The following EML1 variants were observed in gnomAD, a reference collection of about 807,000 sequenced individuals.
EML1 encodes EMAP like 1, also known as echinoderm microtubule-associated protein-like 1.
A neutral mutation model predicts 110.4 loss-of-function variants in EML1; 27 were observed. That is an observed-to-expected ratio of 0.24 (90% confidence interval 0.18 to 0.34). The LOEUF is 0.34. Ranked by LOEUF, EML1 falls within the 10% of genes least tolerant of loss-of-function variation. The pLI is 1.00. For missense variants in EML1, 741 were observed against 1,030.9 expected (o/e 0.72, Z 3.85); for synonymous variants, 344 against 385.8 (o/e 0.89, Z 1.27).
At position 99,861,231 on chromosome 14, in the gene EML1, A is replaced by G. The variant is rs950450575; in HGVS notation, c.251-4283A>G. Among the ~76,000 whole-genome samples the G allele has an allele frequency of 2.6e-5, 4 of 152,328 alleles. No individual in the cohort carries two copies. The East Asian group carries it at 7.7e-4, about 29-fold the overall frequency. On this transcript the variant is annotated intron_variant, in intron 2 of 21. Transcript: ENST00000262233. ...TACTAGCTTCAAGGATCCTGCAGTC[A>G]GTGGAGTAGACAGACTATTGGATTT...
At position 99,784,741 on chromosome 14, in the gene EML1, A is replaced by G. The variant is rs1035928793; in HGVS notation, c.-27+10728A>G. ...ATCCAGGCCGGATGACACACGGGAA[A>G]ACAAGGAGCTGGCTTCACCAGGCTG... is the stretch of plus-strand genomic sequence containing the variant. On this transcript the variant is annotated intron_variant, in intron 1 of 22. Transcript: ENST00000327921. The surrounding 1 kb of genome is among the most constrained non-coding windows in gnomAD (Gnocchi z 4.5). 3.9e-5 allele frequency among the ~76,000 whole-genome samples: 6 copies of G among 152,262 alleles called. No individual in the cohort carries two copies. In the South Asian group the frequency reaches 1.2e-3, roughly 32 times the overall value.
rs190553892 is a variant in EML1 at position 99,829,033 on chromosome 14, A to G, written c.68-21820A>G. Among the ~76,000 whole-genome samples the G allele has an allele frequency of 2.5e-4, 38 of 152,342 alleles. No homozygotes were observed. The East Asian group carries it at 4.2e-3, about 17-fold the overall frequency. On this transcript the variant is annotated intron_variant, in intron 1 of 21. Transcript: ENST00000262233. ...TCAAACCAGTGTTGTTCAACTGTCT[A>G]GGAAAAAACACAGTGTATATAGGGT...
chr14:99,890,521 C>G (rs1382869885), intron 4 of EML1, among the ~76,000 whole-genome samples: 1 of 152,130 alleles, frequency 6.6e-6, no homozygotes. Flanking sequence ...GAGGTGCTTG[C>G]TCCTAGGGAT....
intron 9 of EML1, chr14:99,906,825 G>A (rs564545142): frequency 2.0e-5 from 3 of 152,038 alleles, no homozygotes; most frequent in African/African-American, 4.8e-5. Context: ...TCCTCAGGAC[G>A]TGCTGGTTCA....
intron 1 of EML1, among the ~76,000 whole-genome samples, chr14:99,807,694 A>G (rs1166992661): frequency 6.6e-6 from 1 of 152,150 alleles, no homozygotes; most frequent in South Asian, 2.1e-4. Context: ...CTCCTACCCA[A>G]GGGGAAGCCT....
intron 1 of EML1, among the ~76,000 whole-genome samples, chr14:99,747,205 AAGG>A (rs1369105991): frequency 6.6e-6 from 1 of 150,870 alleles, no homozygotes; most frequent in African/African-American, 2.4e-5. Flanking sequence ...AAAAAAAAAA[AAGG>A]AAGAAAAGAA....
chr14:99,741,808 C>T (rs529829921), intron 1 of EML1, among the ~76,000 whole-genome samples: 140 of 152,284 alleles, frequency 9.2e-4, no homozygotes, highest in African/African-American at 3.2e-3. Context: ...GGGGGCCTGG[C>T]GTGGTGTCCC....
chr14:99,848,052 G>A (rs758428443), intron 1 of EML1, among the ~76,000 whole-genome samples: 2 of 152,034 alleles, frequency 1.3e-5, no homozygotes, highest in Non-Finnish European at 2.9e-5. Flanking sequence ...TTTGAGTTTA[G>A]CATTTTATTT....
At chr14:99,789,557 C>T (rs112802036), upstream of EML1, among the ~76,000 whole-genome samples, 1,049 of 152,282 alleles carry the variant, frequency 6.9e-3, 13 homozygotes, top group African/African-American at 0.024. Flanking sequence ...ATTGACTTCA[C>T]GGCTACCTGC....
At chr14:99,787,416 T>G (rs1273363497) in intron 1 of EML1, among the ~76,000 whole-genome samples, 1 of 151,810 alleles carries the variant, frequency 6.6e-6, no homozygotes, top group Non-Finnish European at 1.5e-5. Flanking sequence ...GTAACTGGGA[T>G]TATATCCACC....
At chr14:99,885,902 G>A in intron 4 of EML1, 1 of 455,790 alleles carries the variant, frequency 2.2e-6, no homozygotes, top group Non-Finnish European at 4.4e-6. Flanking sequence ...TGGAGGTGAA[G>A]CCCCTCACCC....
At chr14:99,804,521 T>A (rs1566873149) in intron 1 of EML1, among the ~76,000 whole-genome samples, 1 of 152,204 alleles carries the variant, frequency 6.6e-6, no homozygotes, top group Non-Finnish European at 1.5e-5. Flanking sequence ...CTGGCCAGTG[T>A]GTTTCAGAGC....
At chr14:99,799,727 T>C (rs1216424776) in intron 1 of EML1, among the ~76,000 whole-genome samples, 1 of 152,256 alleles carries the variant, frequency 6.6e-6, no homozygotes, top group African/African-American at 2.4e-5. Context: ...TTGGTTATTG[T>C]CCATTTCTGG....
chr14:99,765,894 G>A (rs1456708419), intron 1 of EML1, among the ~76,000 whole-genome samples: 1 of 152,062 alleles, frequency 6.6e-6, no homozygotes, highest in Admixed American at 6.6e-5. Flanking sequence ...ATGAGCCACC[G>A]TGGCTGGCCT....
intron 1 of EML1, among the ~76,000 whole-genome samples, chr14:99,806,402 T>C (rs923655807): frequency 1.3e-5 from 2 of 148,284 alleles, no homozygotes; most frequent in South Asian, 2.2e-4. Flanking sequence ...CCGCAACCTC[T>C]GCCTCCCGGG....
chr14:99,772,387 G>A (rs192753243), upstream of EML1, among the ~76,000 whole-genome samples: 70 of 152,286 alleles, frequency 4.6e-4, no homozygotes, highest in African/African-American at 1.6e-3. Context: ...TCTAATAACC[G>A]TGGTTGTCCA....
In EML1 at chr14:99,936,186, G is replaced by C; in HGVS notation, c.2007+60G>C. On this transcript the variant is annotated intron_variant, in intron 18 of 21. Transcript: ENST00000262233. The surrounding 1 kb of genome is among the most constrained non-coding windows in gnomAD (Gnocchi z 5.5). Reference sequence around the variant, plus strand: ...CACTGCGTATAGTTTAACTACCGTGGAACAGTGTTGGCAGGGACTTCTAAG... The same window carrying C: ...CACTGCGTATAGTTTAACTACCGTGCAACAGTGTTGGCAGGGACTTCTAAG... 2 of 1,612,724 alleles carry C rather than the reference G, an allele frequency of 1.2e-6. No homozygotes were observed. The highest frequency in any genetic ancestry group is 8.5e-7 in the Non-Finnish European group (1 of 1,178,736).
intron 17 of EML1, among the ~76,000 whole-genome samples, chr14:99,933,861 A>C (rs1351473698): frequency 6.6e-6 from 1 of 152,212 alleles, no homozygotes; most frequent in African/African-American, 2.4e-5. Context: ...CGGGGAGGCC[A>C]AGGCGGGTGG....
upstream of EML1, among the ~76,000 whole-genome samples, chr14:99,768,313 A>C (rs572157835): frequency 6.6e-6 from 1 of 152,166 alleles, no homozygotes; most frequent in Non-Finnish European, 1.5e-5. Flanking sequence ...CTCATTCTTC[A>C]TGGTGGAGTG....
Sources: gnomAD v4.1 joint callset for allele counts (sites outside exome capture counted in the v4.1 genomes callset) on GRCh38, gnomAD v4.1.1 for gene constraint, Gnocchi (gnomAD v3.1) non-coding constraint, MANE v1.5 for transcripts, NCBI Gene and HGNC (gene_info 2026-07-23, HGNC 2026-07-21) for gene names.